DPP10: variants seen among roughly 807,000 people sequenced by gnomAD.
DPP10 encodes the protein inactive dipeptidyl peptidase 10.
DPP10 carries 33 observed loss-of-function variants against 120.9 expected under a neutral mutation model. The observed-to-expected ratio is 0.27, with a 90% CI of 0.21 to 0.37. The LOEUF (loss-of-function observed/expected upper bound fraction) is 0.37. Among genes scored for constraint, DPP10 ranks in the 10% least tolerant of loss-of-function variants. The pLI is 1.00. For missense variants in DPP10, 816 were observed against 942.8 expected, an observed-to-expected ratio of 0.87 and a Z score of 1.76; for synonymous variants, 337 against 326.1, an observed-to-expected ratio of 1.03 and a Z score of -0.36.
Position 115,172,383 on chromosome 2 carries a change from C to CA in DPP10, c.61-136841dup, listed in dbSNP as rs369416732. 6.7e-3 allele frequency among the ~76,000 whole-genome samples: 554 copies of CA among 82,310 alleles called. 1 individual carries two copies. The highest frequency in any genetic ancestry group is 0.017 in the African/African-American group (365 of 21,814). The allele number at this position is 82,310 out of a possible 152,430, so 54.0% of individuals were successfully genotyped here. On this transcript the variant is annotated intron_variant, in intron 1 of 25. Transcript: ENST00000410059. ...TGGGCGACAGAGTGAGAATCCGTCTCAAAAAAAAAAAAAAAGCTATTTCCA... is the reference window on the plus strand; with the variant it reads ...TGGGCGACAGAGTGAGAATCCGTCTCAAAAAAAAAAAAAAAAGCTATTTCCA...
chr2:114,727,307 C>T (rs1676428957), intron 1 of DPP10, among the ~76,000 whole-genome samples: 1 of 152,182 alleles, frequency 6.6e-6, no homozygotes. Context: ...TCTTCAGAGA[C>T]TCTTCCTCGA....
chr2:114,506,504 CACTGAGCTTTT>C (rs1198268901), intron 1 of DPP10, among the ~76,000 whole-genome samples: 1 of 152,174 alleles, frequency 6.6e-6, no homozygotes, highest in East Asian at 1.9e-4. Flanking sequence ...ACTGACCTTC[CACTGAGCTTTT>C]AACACTTAAG....
chr2:114,524,487 C>T (rs1259759030), intron 1 of DPP10, among the ~76,000 whole-genome samples: 3 of 152,102 alleles, frequency 2.0e-5, no homozygotes, highest in Admixed American at 6.5e-5. Flanking sequence ...AAAATCACAC[C>T]CAAAATATTA....
intron 1 of DPP10, among the ~76,000 whole-genome samples, chr2:114,898,510 A>T (rs78348427): frequency 6.5e-4 from 93 of 144,082 alleles, no homozygotes; most frequent in African/African-American, 2.3e-3. Context: ...ATAACAAAAT[A>T]AAAAAAAAAA....
chr2:115,129,762 T>C (rs2050247799), intron 1 of DPP10, among the ~76,000 whole-genome samples: 1 of 152,196 alleles, frequency 6.6e-6, no homozygotes, highest in Non-Finnish European at 1.5e-5. Context: ...ACCAGCAGCA[T>C]AGGCATCCCC....
intron 3 of DPP10, among the ~76,000 whole-genome samples, chr2:115,377,403 G>GT (rs1330454535): frequency 2.0e-5 from 3 of 152,032 alleles, no homozygotes; most frequent in East Asian, 1.9e-4. Context: ...GGGGTTGTTT[G>GT]TTTTTTTCTT....
At chr2:114,901,547 C>T (rs985117758) in intron 1 of DPP10, among the ~76,000 whole-genome samples, 4 of 152,150 alleles carry the variant, frequency 2.6e-5, no homozygotes, top group African/African-American at 9.7e-5. Flanking sequence ...GAAGATGAAG[C>T]TCATAGTTCC....
rs562505623 is a variant in DPP10, at chr2:115,457,160, A to G, written c.272-42350A>G. Among the ~76,000 whole-genome samples the G allele has an allele frequency of 8.5e-5, 13 of 152,218 alleles. 1 individual carries two copies. The highest frequency in any genetic ancestry group is 2.6e-4 in the Admixed American group (4 of 15,264). ...TTTAAAAAAATAGCAAGGCAATTCA[A>G]TGAAGGAAAGAATAGTATTTTCAAC... On this transcript the variant is annotated intron_variant, in intron 3 of 25. Transcript: ENST00000410059.
At chr2:115,393,197 C>T (rs1333671341) in intron 3 of DPP10, among the ~76,000 whole-genome samples, 1 of 151,800 alleles carries the variant, frequency 6.6e-6, no homozygotes, top group Non-Finnish European at 1.5e-5. Flanking sequence ...CTTGTGATCC[C>T]AGCTGCTCGG....
At chr2:114,657,036 C>T (rs978087626) in intron 1 of DPP10, among the ~76,000 whole-genome samples, 1 of 152,034 alleles carries the variant, frequency 6.6e-6, no homozygotes, top group East Asian at 1.9e-4. Context: ...AAATCTGGGC[C>T]TGTCAGGGAT....
chr2:115,615,052 A>G (rs934157375), intron 5 of DPP10, among the ~76,000 whole-genome samples: 1 of 152,178 alleles, frequency 6.6e-6, no homozygotes, highest in Non-Finnish European at 1.5e-5. Flanking sequence ...TTACAAGCCA[A>G]CAAAATATTT....
At chr2:115,728,631 A>G (rs892457977) in intron 8 of DPP10, among the ~76,000 whole-genome samples, 1 of 152,216 alleles carries the variant, frequency 6.6e-6, no homozygotes, top group African/African-American at 2.4e-5. Flanking sequence ...CTACTTTATT[A>G]TAAATTATAA....
intron 1 of DPP10, among the ~76,000 whole-genome samples, chr2:115,017,367 G>A (rs1044487963): frequency 3.9e-5 from 6 of 152,252 alleles, no homozygotes; most frequent in Non-Finnish European, 8.8e-5. Flanking sequence ...GTCCTGGAGA[G>A]GATGTGGAGA....
intron 3 of DPP10, among the ~76,000 whole-genome samples, chr2:115,424,367 T>C (rs1231592445): frequency 6.6e-6 from 1 of 152,114 alleles, no homozygotes; most frequent in Non-Finnish European, 1.5e-5. Flanking sequence ...TGGATTAGAA[T>C]GTATCCTAAT....
intron 3 of DPP10, among the ~76,000 whole-genome samples, chr2:115,354,155 C>A (rs188296736): frequency 2.0e-5 from 3 of 152,078 alleles, no homozygotes; most frequent in Admixed American, 1.3e-4. Flanking sequence ...AAAATGTATT[C>A]TTTCTTGTCA....
At chr2:114,663,668 T>TAGAGAGAGAGAGAGAGAGAGAGAGAG (rs1553479098) in intron 1 of DPP10, among the ~76,000 whole-genome samples, 30 of 80,706 alleles carry the variant, frequency 3.7e-4, no homozygotes, top group African/African-American at 2.6e-3. Context: ...TATATATATA[T>TAGAGAGAGAGAGAGAGAGAGAGAGAG]AGAGAGAGAG....
intron 1 of DPP10, among the ~76,000 whole-genome samples, chr2:114,915,814 C>T (rs190397620): frequency 1.8e-4 from 27 of 152,186 alleles, no homozygotes; most frequent in East Asian, 1.5e-3. Context: ...ATATAGCATA[C>T]CAGAATTTCT....
At chr2:114,813,814 G>A (rs1369706663) in intron 1 of DPP10, among the ~76,000 whole-genome samples, 11 of 151,758 alleles carry the variant, frequency 7.2e-5, no homozygotes, top group Admixed American at 3.9e-4. Context: ...GAAACTGAAT[G>A]TGGATTCCTC....
At chr2:115,655,816 C>T (rs935948501) in intron 5 of DPP10, among the ~76,000 whole-genome samples, 1 of 148,872 alleles carries the variant, frequency 6.7e-6, no homozygotes, top group African/African-American at 2.6e-5. Flanking sequence ...AAAGAATTAG[C>T]TCTCAAATAA....
Sources: gnomAD v4.1 joint callset for allele counts (sites outside exome capture counted in the v4.1 genomes callset) on GRCh38, gnomAD v4.1.1 for gene constraint, MANE v1.5 for transcripts, NCBI Gene and HGNC (gene_info 2026-07-23, HGNC 2026-07-21) for gene names.